PNMT: variants seen among roughly 807,000 people sequenced by gnomAD.
PNMT encodes noradrenaline N-methyltransferase.
Under a neutral mutation model 18.9 loss-of-function variants are expected in PNMT, and 18 were observed. That is an observed-to-expected ratio of 0.95 (90% CI 0.66 to 1.41). The LOEUF (loss-of-function observed/expected upper bound fraction) is 1.41, where lower values mean the gene tolerates loss of function less well. Ranked by LOEUF, PNMT falls within the 40% of genes most tolerant of loss-of-function variation. The probability of loss-of-function intolerance (pLI) is 0.00; values close to 1 mark genes in which losing one functional copy is unlikely to be tolerated. For missense variants in PNMT, 378 were observed against 387.0 expected (o/e 0.98, Z 0.20); for synonymous variants, 167 against 168.6 (o/e 0.99, Z 0.08).
upstream of PNMT, chr17:39,668,105 G>C (rs2145079238): frequency 4.4e-6 from 1 of 225,728 alleles, no homozygotes; most frequent in Middle Eastern, 1.3e-3. Flanking sequence ...AAGAGAGATG[G>C]GAGGGGCCGG....
rs746166458 is a variant in PNMT, at chr17:39,669,933, C to T, written c.411-18C>T. On this transcript the variant is annotated intron_variant, in intron 2 of 2. Transcript: ENST00000269582. ...AGCGTAGAACAGCCTTGAGCCCTGCCTTGTGCCTCCTGCACAGGGAATGCT... is the reference window on the plus strand; with the variant it reads ...AGCGTAGAACAGCCTTGAGCCCTGCTTTGTGCCTCCTGCACAGGGAATGCT... 437 of 1,594,640 alleles carry T rather than the reference C, an allele frequency of 2.7e-4. 12 individuals are homozygous for T. In the South Asian group the frequency reaches 4.4e-3, roughly 16 times the overall value.
Sources: allele counts gnomAD v4.1 joint callset, GRCh38; gene constraint gnomAD v4.1.1; transcripts MANE v1.5; gene names NCBI Gene and HGNC (gene_info 2026-07-23, HGNC 2026-07-21).